The following OLA1 variants were observed in gnomAD, a reference collection of about 807,000 sequenced individuals.
OLA1 encodes Obg like ATPase 1.
In OLA1, 14 loss-of-function variants were observed where a neutral mutation model predicts 48.4. That is an observed-to-expected ratio of 0.29 (90% CI 0.19 to 0.45). The LOEUF (loss-of-function observed/expected upper bound fraction) is 0.45, where lower values mean the gene tolerates loss of function less well. Among genes scored for constraint, OLA1 ranks in the 20% least tolerant of loss-of-function variants. The probability of loss-of-function intolerance (pLI) is 1.00; values close to 1 mark genes in which losing one functional copy is unlikely to be tolerated. For synonymous variants in OLA1, 127 were observed against 150.4 expected, an observed-to-expected ratio of 0.84 and a Z score of 1.14; for missense variants, 325 against 467.1, an observed-to-expected ratio of 0.70 and a Z score of 2.80.
At chr2:174,132,919 C>T (rs933530208) in intron 5 of OLA1, among the ~76,000 whole-genome samples, 1 of 152,102 alleles carries the variant, frequency 6.6e-6, no homozygotes, top group Non-Finnish European at 1.5e-5. Context: ...CTATCAATTA[C>T]TAAAAGTATT....
At position 174,073,554 on chromosome 2, in the gene OLA1, C is replaced by T. The variant is rs1446200546; in HGVS notation, c.*1872G>A. The stretch of plus-strand genomic sequence containing the variant: ...AAACATTTTTAACATTTATTTTCAG[C>T]CCCTAATGAATGCAGTTACCTCAAA... On this transcript the variant is annotated 3_prime_UTR_variant, in exon 11 of 11. Coordinates refer to ENST00000284719, the MANE Select transcript of OLA1 (RefSeq NM_013341.5). 6.6e-6 allele frequency: 1 copy of T among 152,148 alleles called. No homozygotes were observed. Among genetic ancestry groups the T allele is most frequent in the Non-Finnish European group, 1.5e-5 (1 of 68,022 alleles). The allele number at this position is 152,148 out of a possible 1,614,324, so 9.4% of individuals were successfully genotyped here. A position where few individuals can be genotyped will look rare whatever the true frequency, so the allele number is the denominator to read the frequency against.
chr2:174,088,913 T>TAAAG (rs1483879921), intron 7 of OLA1, among the ~76,000 whole-genome samples: 11 of 150,532 alleles, frequency 7.3e-5, no homozygotes, highest in African/African-American at 2.7e-4. Flanking sequence ...AATAAATAAA[T>TAAAG]AAAGCTCCAT....
chr2:174,237,664 G>A (rs940846625), intron 2 of OLA1, among the ~76,000 whole-genome samples: 1 of 152,156 alleles, frequency 6.6e-6, no homozygotes, highest in African/African-American at 2.4e-5. Flanking sequence ...TGAGGCAGGA[G>A]GATTGCTTGA....
At chr2:174,122,761 T>G (rs1297666060) in intron 7 of OLA1, among the ~76,000 whole-genome samples, 1 of 151,176 alleles carries the variant, frequency 6.6e-6, no homozygotes, top group Non-Finnish European at 1.5e-5. Context: ...TTTTAAAGCA[T>G]TCAATCTGGA....
chr2:174,192,307 T>A (rs1414703189), intron 4 of OLA1, among the ~76,000 whole-genome samples: 4 of 152,220 alleles, frequency 2.6e-5, no homozygotes, highest in African/African-American at 9.6e-5. Flanking sequence ...CAGTTAAGCA[T>A]CCATAATCTA....
intron 4 of OLA1, among the ~76,000 whole-genome samples, chr2:174,188,229 T>C (rs1368228888): frequency 6.6e-6 from 1 of 151,858 alleles, no homozygotes; most frequent in Non-Finnish European, 1.5e-5. Flanking sequence ...ATCAGAGAGG[T>C]TGTTAAGACA....
chr2:174,230,827 A>C (rs10209087), intron 2 of OLA1, among the ~76,000 whole-genome samples: 114 of 152,338 alleles, frequency 7.5e-4, no homozygotes, highest in African/African-American at 2.7e-3. Context: ...CAGAACTAGA[A>C]AAGCCATCTA....
At chr2:174,136,017 T>G (rs779404716) in intron 5 of OLA1, among the ~76,000 whole-genome samples, 12 of 152,234 alleles carry the variant, frequency 7.9e-5, no homozygotes, top group Admixed American at 1.3e-4. Flanking sequence ...TGTATAAACC[T>G]TAATTTAAAA....
intron 7 of OLA1, among the ~76,000 whole-genome samples, chr2:174,109,295 A>C (rs904214566): frequency 6.6e-6 from 1 of 152,096 alleles, no homozygotes; most frequent in African/African-American, 2.4e-5. Context: ...AGTCTACCCC[A>C]CTGGTCTTTA....
chr2:174,081,920 T>C lies in OLA1; in HGVS notation c.869+4A>G. Reference sequence around the variant, plus strand: ...AAGTGTAGGGAAAATGAATGCTAATTAACCTTTGTGTCATGTTCGCTTCCA... The same window carrying C: ...AAGTGTAGGGAAAATGAATGCTAATCAACCTTTGTGTCATGTTCGCTTCCA... On this transcript the variant is annotated splice_donor_region_variant and intron_variant, in intron 8 of 10. Coordinates refer to ENST00000284719, the MANE Select transcript of OLA1 (RefSeq NM_013341.5). 1.2e-6 allele frequency: 2 copies of C among 1,610,790 alleles called. No homozygotes were observed.
At chr2:174,216,140 A>AC (rs1688356045) in intron 4 of OLA1, among the ~76,000 whole-genome samples, 1 of 151,844 alleles carries the variant, frequency 6.6e-6, no homozygotes, top group Admixed American at 6.6e-5. Flanking sequence ...ACAAAAAAAA[A>AC]CATATATATA....
chr2:174,092,556 G>A (rs1197592687), intron 7 of OLA1, among the ~76,000 whole-genome samples: 1 of 152,066 alleles, frequency 6.6e-6, no homozygotes, highest in African/African-American at 2.4e-5. Flanking sequence ...CAGCTACTAG[G>A]GAGGCTGAGG....
chr2:174,186,187 T>C (rs1351237485), intron 4 of OLA1, among the ~76,000 whole-genome samples: 1 of 152,222 alleles, frequency 6.6e-6, no homozygotes, highest in African/African-American at 2.4e-5. Context: ...CATATAAATT[T>C]ATTGTCTTCA....
chr2:174,220,059 G>A (rs1688465347), intron 4 of OLA1, among the ~76,000 whole-genome samples: 1 of 152,140 alleles, frequency 6.6e-6, no homozygotes, highest in African/African-American at 2.4e-5. Flanking sequence ...TAGAACCTGG[G>A]AGGTGGAGGT....
intron 4 of OLA1, among the ~76,000 whole-genome samples, chr2:174,170,324 T>C (rs1687267580): frequency 6.6e-6 from 1 of 152,206 alleles, no homozygotes; most frequent in Non-Finnish European, 1.5e-5. Flanking sequence ...AGGAGGTATA[T>C]TGTAATCACT....
Position 174,079,859 on chromosome 2 carries a change from A to G in OLA1, c.967-769T>C, listed in dbSNP as rs183830585. Among the ~76,000 whole-genome samples the G allele has an allele frequency of 2.3e-3, 346 of 152,088 alleles. 1 individual carries two copies. The highest frequency in any genetic ancestry group is 3.8e-3 in the Non-Finnish European group (256 of 67,870). ...ACAATAAAAGATGTATTGGGTTAAT[A>G]TAGCTACTCACTGATGCTTACCTGA... On this transcript the variant is annotated intron_variant, in intron 9 of 10. Coordinates refer to ENST00000284719, the MANE Select transcript of OLA1 (RefSeq NM_013341.5).
chr2:174,162,810 G>A (rs1211876200), intron 4 of OLA1, among the ~76,000 whole-genome samples: 4 of 152,200 alleles, frequency 2.6e-5, no homozygotes, highest in East Asian at 3.9e-4. Flanking sequence ...TTGGGAGGCC[G>A]AGGCGGGCGG....
chr2:174,113,546 G>A (rs993506667), intron 7 of OLA1, among the ~76,000 whole-genome samples: 1 of 151,870 alleles, frequency 6.6e-6, no homozygotes, highest in African/African-American at 2.4e-5. Flanking sequence ...ATAAAATTAC[G>A]AGACAAGGCA....
chr2:174,196,047 T>C (rs1687872933), intron 4 of OLA1, among the ~76,000 whole-genome samples: 1 of 152,134 alleles, frequency 6.6e-6, no homozygotes, highest in Non-Finnish European at 1.5e-5. Flanking sequence ...TTAGAATGCA[T>C]TGGTATGGTT....
Sources: gnomAD v4.1 joint callset for allele counts (sites outside exome capture counted in the v4.1 genomes callset) on GRCh38, gnomAD v4.1.1 for gene constraint, MANE v1.5 for transcripts, NCBI Gene and HGNC (gene_info 2026-07-23, HGNC 2026-07-21) for gene names.